SGMS1: variants seen among roughly 807,000 people sequenced by gnomAD.
The protein encoded by SGMS1 is sphingomyelin synthase 1.
Under a neutral mutation model 46.2 loss-of-function variants are expected in SGMS1, and 13 were observed. The ratio of observed to expected loss-of-function variants is 0.28; its 90% CI spans 0.18 to 0.45. The LOEUF is 0.45. Ranked by LOEUF, SGMS1 falls within the 20% of genes least tolerant of loss-of-function variation. The pLI, the probability that SGMS1 is intolerant of heterozygous loss-of-function variation, is 1.00. For missense variants in SGMS1, 324 were observed against 519.9 expected (o/e 0.62, Z 3.66); for synonymous variants, 203 against 187.8 (o/e 1.08, Z -0.66).
At chr10:50,437,737 G>T (rs1279381656) in intron 5 of SGMS1, among the ~76,000 whole-genome samples, 1 of 152,194 alleles carries the variant, frequency 6.6e-6, no homozygotes, top group Non-Finnish European at 1.5e-5. Flanking sequence ...TAAAAGGATG[G>T]TATAGTGAAA....
At chr10:50,576,172 A>G (rs1021517184) in intron 2 of SGMS1, among the ~76,000 whole-genome samples, 3 of 152,174 alleles carry the variant, frequency 2.0e-5, no homozygotes, top group African/African-American at 7.2e-5. Flanking sequence ...TGAGGTACCC[A>G]CTGAGAAGAC....
intron 6 of SGMS1, among the ~76,000 whole-genome samples, chr10:50,404,978 A>C (rs1208765496): frequency 6.6e-6 from 1 of 152,218 alleles, no homozygotes; most frequent in Non-Finnish European, 1.5e-5. Context: ...ATGTATATTA[A>C]TCCCTTTATT....
chr10:50,501,492 GT>G lies in SGMS1; in HGVS notation c.-498+18338del, dbSNP rs200101537. Among the ~76,000 whole-genome samples the G allele has an allele frequency of 6.6e-3, 1,004 of 152,248 alleles. 7 individuals are homozygous for G. Among genetic ancestry groups the G allele is most frequent in the Admixed American group, 0.014 (212 of 15,294 alleles). On this transcript the variant is annotated intron_variant, in intron 3 of 10. Coordinates refer to ENST00000361781, the MANE Select transcript of SGMS1 (RefSeq NM_147156.4). ...CGTTTGATTTTTTCCTCTTTTCTGA[GT>G]TCATTAAGGAAATTAATTTGCAGAG...
At chr10:50,623,435 C>T in intron 1 of SGMS1, 1 of 297,618 alleles carries the variant, frequency 3.4e-6, no homozygotes, top group Non-Finnish European at 5.0e-6. Flanking sequence ...CTCCCCGCCC[C>T]AACTTAGCCG....
At chr10:50,501,268 C>T (rs993449423) in intron 3 of SGMS1, among the ~76,000 whole-genome samples, 1 of 152,128 alleles carries the variant, frequency 6.6e-6, no homozygotes, top group African/African-American at 2.4e-5. Context: ...TCCTTCAATT[C>T]TGAGGAACAG....
intron 2 of SGMS1, among the ~76,000 whole-genome samples, chr10:50,523,838 G>A (rs1837876312): frequency 6.6e-6 from 1 of 152,222 alleles, no homozygotes; most frequent in Admixed American, 6.5e-5. Flanking sequence ...TGTAATCACA[G>A]GAAAATGGAG....
chr10:50,359,130 C>T (rs908162130), intron 6 of SGMS1, among the ~76,000 whole-genome samples: 3 of 152,182 alleles, frequency 2.0e-5, no homozygotes, highest in Admixed American at 6.5e-5. Flanking sequence ...TGCTGACCTA[C>T]TTTGCTAAGA....
intron 1 of SGMS1, among the ~76,000 whole-genome samples, chr10:50,597,393 T>C (rs1838604430): frequency 6.6e-6 from 1 of 152,192 alleles, no homozygotes; most frequent in Non-Finnish European, 1.5e-5. Context: ...AATGGGTGAA[T>C]ACATATGCAA....
At chr10:50,494,293 AT>A (rs199575767) in intron 3 of SGMS1, among the ~76,000 whole-genome samples, 19 of 152,242 alleles carry the variant, frequency 1.2e-4, no homozygotes, top group African/African-American at 1.7e-4. Flanking sequence ...CATTCAAAAA[AT>A]AAAAATCATT....
At chr10:50,346,554 G>T (rs965851253) in intron 6 of SGMS1, among the ~76,000 whole-genome samples, 3 of 152,066 alleles carry the variant, frequency 2.0e-5, no homozygotes, top group African/African-American at 7.3e-5. Context: ...CTCTCCTGGG[G>T]ATAGCAGTAT....
chr10:50,583,377 A>C (rs1343183779), intron 2 of SGMS1, among the ~76,000 whole-genome samples: 1 of 152,124 alleles, frequency 6.6e-6, no homozygotes, highest in East Asian at 1.9e-4. Flanking sequence ...GCCCTGATTC[A>C]CCCTTGGAGG....
chr10:50,491,478 C>T (rs1054804862), intron 3 of SGMS1, among the ~76,000 whole-genome samples: 2 of 152,320 alleles, frequency 1.3e-5, no homozygotes, highest in Non-Finnish European at 2.9e-5. Flanking sequence ...GGCTCCCATG[C>T]TCATCATGGT....
At chr10:50,366,233 GA>G (rs113266321) in intron 6 of SGMS1, among the ~76,000 whole-genome samples, 17 of 151,420 alleles carry the variant, frequency 1.1e-4, no homozygotes, top group African/African-American at 3.9e-4. Flanking sequence ...AAATTTATAA[GA>G]AAAAAAAATC....
intron 1 of SGMS1, among the ~76,000 whole-genome samples, chr10:50,599,633 G>C (rs912329386): frequency 6.6e-6 from 1 of 152,134 alleles, no homozygotes; most frequent in African/African-American, 2.4e-5. Flanking sequence ...GGGAAGCCGA[G>C]GTGGGCAGAT....
In SGMS1 at chr10:50,539,452, C is replaced by T. The variant is rs372137345; in HGVS notation, c.-588-19531G>A. 4.6e-5 allele frequency among the ~76,000 whole-genome samples: 7 copies of T among 152,206 alleles called. No individual in the cohort carries two copies. In the East Asian group the frequency reaches 5.8e-4, roughly 13 times the overall value. ...TATGCTCAGGTGAGACTGAAAAGGT[C>T]GGTGAATGAGCCATCTTTTATGGAT... On this transcript the variant is annotated intron_variant, in intron 2 of 10. Transcript: ENST00000361781.
chr10:50,427,833 T>C (rs1849348835), intron 6 of SGMS1, among the ~76,000 whole-genome samples: 1 of 152,180 alleles, frequency 6.6e-6, no homozygotes, highest in African/African-American at 2.4e-5. Flanking sequence ...TCTACAAACA[T>C]TTATAGAATT....
At position 50,453,644 on chromosome 10, in the gene SGMS1, G is replaced by A. The variant is rs1004849678; in HGVS notation, c.-313+7029C>T. Among the ~76,000 whole-genome samples the A allele has an allele frequency of 6.3e-4, 95 of 150,850 alleles. 1 individual carries two copies. Among genetic ancestry groups the A allele is most frequent in the African/African-American group, 2.1e-3 (88 of 40,976 alleles). Reference sequence around the variant, plus strand: ...TGTTCTTCGATTTCCGGAAAGAAATGATAAAGAAAATGGGGAAGAGGCATT... The same window carrying A: ...TGTTCTTCGATTTCCGGAAAGAAATAATAAAGAAAATGGGGAAGAGGCATT... On this transcript the variant is annotated intron_variant, in intron 5 of 10. Transcript: ENST00000361781.
chr10:50,312,320 A>G (rs1342997849), intron 8 of SGMS1, among the ~76,000 whole-genome samples: 1 of 142,622 alleles, frequency 7.0e-6, no homozygotes, highest in South Asian at 2.3e-4. Context: ...ATGATACATC[A>G]GTGAAGTGTG....
chr10:50,577,297 TA>T (rs1382058098), intron 2 of SGMS1, among the ~76,000 whole-genome samples: 2 of 152,140 alleles, frequency 1.3e-5, no homozygotes, highest in African/African-American at 4.8e-5. Context: ...CTCTTAGCAA[TA>T]AAAACCCTTG....
Sources: gnomAD v4.1 joint callset for allele counts (sites outside exome capture counted in the v4.1 genomes callset) on GRCh38, gnomAD v4.1.1 for gene constraint, MANE v1.5 for transcripts, NCBI Gene and HGNC (gene_info 2026-07-23, HGNC 2026-07-21) for gene names.